Variants in PUDP observed in about 807,000 individuals in gnomAD.
PUDP encodes the protein pseudouridine 5'-phosphatase, also known as pseudouridine-5'-phosphatase.
Under a neutral mutation model 9.4 loss-of-function variants are expected in PUDP, and 8 were observed. That is an observed-to-expected ratio of 0.85 (90% confidence interval 0.50 to 1.53). The LOEUF (loss-of-function observed/expected upper bound fraction) is 1.53, where lower values mean the gene tolerates loss of function less well. Ranked by LOEUF, PUDP falls within the 40% of genes most tolerant of loss-of-function variation. The pLI is 0.00. For synonymous variants in PUDP, 99 were observed against 80.7 expected, an observed-to-expected ratio of 1.23 and a Z score of -1.22; for missense variants, 188 against 189.7, an observed-to-expected ratio of 0.99 and a Z score of 0.05.
At chrX:6,770,414 A>G (rs188696764) in intron 3 of PUDP, among the ~76,000 whole-genome samples, 312 of 112,701 alleles carry the variant, frequency 2.8e-3, no homozygotes, top group Non-Finnish European at 4.7e-3. Context: ...CACAGACCCA[A>G]TGGGGTAAGA....
chrX:6,907,731 C>G (rs1270627230), intron 3 of PUDP, among the ~76,000 whole-genome samples: 2 of 111,700 alleles, frequency 1.8e-5, no homozygotes, highest in African/African-American at 6.5e-5. Context: ...CAAGTCTAGA[C>G]CTGGCACATT....
intron 3 of PUDP, among the ~76,000 whole-genome samples, chrX:6,833,107 T>C (rs1282157944): frequency 8.9e-6 from 1 of 112,128 alleles, no homozygotes; most frequent in Non-Finnish European, 1.9e-5. Context: ...ATGTTATAAA[T>C]AGTAAGTTAG....
chrX:7,067,465 T>A (rs1002276720), intron 3 of PUDP, among the ~76,000 whole-genome samples: 3 of 111,784 alleles, frequency 2.7e-5, no homozygotes, highest in Non-Finnish European at 5.6e-5. Flanking sequence ...GGAACGCAGG[T>A]GGCTGTGGGT....
chrX:6,989,707 G>A (rs1929150866), intron 1 of PUDP: 1 of 113,402 alleles, frequency 8.8e-6, no homozygotes, highest in South Asian at 3.2e-4. Flanking sequence ...TGGTGCAGGA[G>A]GTTTTATGGC....
In PUDP at chrX:6,947,230, G is replaced by T. The variant is rs1412000488; in HGVS notation, c.*247+29903C>A. Among the ~76,000 whole-genome samples the T allele has an allele frequency of 3.6e-5, 4 of 110,406 alleles. No homozygotes were observed. In the Admixed American group the frequency reaches 3.9e-4, roughly 11 times the overall value. The stretch of plus-strand genomic sequence containing the variant: ...TTGGCCAGGCTAGTCTTGAACTCCT[G>T]ACCTCAAGTGGAACTCAGGTGATCC... On this transcript the variant is annotated intron_variant and NMD_transcript_variant, in intron 3 of 3. Coordinates refer to the PUDP transcript ENST00000655425.
intron 1 of PUDP, among the ~76,000 whole-genome samples, chrX:7,134,902 A>C (rs1001580444): frequency 1.8e-5 from 2 of 112,570 alleles, no homozygotes; most frequent in East Asian, 5.6e-4. Context: ...GCTGCACAAA[A>C]TGTTTCTACG....
intron 2 of PUDP, among the ~76,000 whole-genome samples, chrX:7,078,790 C>A (rs1930994223): frequency 9.0e-6 from 1 of 111,703 alleles, no homozygotes; most frequent in African/African-American, 3.3e-5. Context: ...ATGGACAGAT[C>A]ATAATGTAGT....
chrX:7,092,401 C>T (rs1931446417), intron 2 of PUDP, among the ~76,000 whole-genome samples: 1 of 112,421 alleles, frequency 8.9e-6, no homozygotes, highest in African/African-American at 3.2e-5. Context: ...AAGTTCTTAA[C>T]CTAATTTGTG....
At chrX:6,994,553 G>C in intron 1 of PUDP, among the ~76,000 whole-genome samples, 1 of 111,989 alleles carries the variant, frequency 8.9e-6, no homozygotes, top group Non-Finnish European at 1.9e-5. Flanking sequence ...CCTCTGATAT[G>C]TTCTCCAGAA....
chrX:6,883,892 G>A, intron 3 of PUDP, among the ~76,000 whole-genome samples: 1 of 111,568 alleles, frequency 9.0e-6, no homozygotes, highest in Non-Finnish European at 1.9e-5. Context: ...CCAGTCTGGA[G>A]TGCAGCGGCA....
chrX:6,984,947 G>C (rs1929084732), intron 1 of PUDP, among the ~76,000 whole-genome samples: 1 of 112,015 alleles, frequency 8.9e-6, no homozygotes, highest in Non-Finnish European at 1.9e-5. Flanking sequence ...TATGGGGCTG[G>C]TACTTTTAAA....
chrX:6,730,591 C>A (rs189569743), intron 3 of PUDP, among the ~76,000 whole-genome samples: 22 of 112,090 alleles, frequency 2.0e-4, no homozygotes, highest in Admixed American at 1.2e-3. Context: ...ACAAAGGTTA[C>A]AGTATGAGGT....
At chrX:6,775,508 C>CACACATATACACACAT (rs748776672) in intron 3 of PUDP, among the ~76,000 whole-genome samples, 1 of 107,217 alleles carries the variant, frequency 9.3e-6, no homozygotes. Context: ...CACACATACA[C>CACACATATACACACAT]ACACACACAC....
intron 2 of PUDP, among the ~76,000 whole-genome samples, chrX:7,093,109 G>A (rs938185536): frequency 3.6e-5 from 4 of 111,802 alleles, no homozygotes; most frequent in African/African-American, 6.5e-5. Context: ...TGTCCAGAAC[G>A]TGTTCATCTC....
chrX:7,103,085 A>T (rs1204789484), intron 2 of PUDP, among the ~76,000 whole-genome samples: 2 of 111,811 alleles, frequency 1.8e-5, no homozygotes, highest in East Asian at 5.6e-4. Context: ...TAAAATTCAT[A>T]AAAAATCTCA....
At chrX:7,086,140 C>T (rs1931256545) in intron 2 of PUDP, among the ~76,000 whole-genome samples, 1 of 111,534 alleles carries the variant, frequency 9.0e-6, no homozygotes, top group Non-Finnish European at 1.9e-5. Flanking sequence ...TTAAAATGCC[C>T]AGTCACCTCT....
At chrX:6,916,248 A>ACC (rs1419297220) in intron 3 of PUDP, among the ~76,000 whole-genome samples, 5 of 80,525 alleles carry the variant, frequency 6.2e-5, no homozygotes, top group African/African-American at 1.0e-4. Flanking sequence ...ACACACACAC[A>ACC]CCCTGGGGAA....
intron 1 of PUDP, among the ~76,000 whole-genome samples, chrX:7,041,497 T>A (rs772462146): frequency 8.9e-6 from 1 of 112,359 alleles, no homozygotes; most frequent in South Asian, 3.7e-4. Flanking sequence ...AAATTTAAAC[T>A]CTGTCCATCT....
intron 3 of PUDP, among the ~76,000 whole-genome samples, chrX:6,793,152 T>C (rs1298866746): frequency 8.9e-6 from 1 of 112,888 alleles, no homozygotes; most frequent in East Asian, 2.8e-4. Context: ...GCCCTGTAGC[T>C]GTGTCCTCCA....
Sources: allele counts gnomAD v4.1 joint callset (sites outside exome capture counted in the v4.1 genomes callset), GRCh38; gene constraint gnomAD v4.1.1; transcripts MANE v1.5; gene names NCBI Gene and HGNC (gene_info 2026-07-23, HGNC 2026-07-21).